Variants in PLCB1 observed in about 807,000 individuals in gnomAD.
PLCB1 encodes phospholipase C beta 1.
A neutral mutation model predicts 161.8 loss-of-function variants in PLCB1; 46 were observed. The observed-to-expected ratio is 0.28, with a 90% confidence interval of 0.22 to 0.36. The LOEUF (loss-of-function observed/expected upper bound fraction) is 0.36. Among genes scored for constraint, PLCB1 ranks in the 10% least tolerant of loss-of-function variants. The pLI is 1.00. For missense variants in PLCB1, 1,016 were observed against 1,472.5 expected (o/e 0.69, Z 5.07); for synonymous variants, 517 against 503.7 (o/e 1.03, Z -0.35).
At chr20:8,817,488 A>G (rs1985136672) in intron 31 of PLCB1, among the ~76,000 whole-genome samples, 1 of 152,222 alleles carries the variant, frequency 6.6e-6, no homozygotes, top group Admixed American at 6.5e-5. Context: ...CTGAAGGGCC[A>G]AACTGAGTGC....
At chr20:8,852,799 C>A (rs1383491748) in intron 31 of PLCB1, among the ~76,000 whole-genome samples, 1 of 152,192 alleles carries the variant, frequency 6.6e-6, no homozygotes, top group African/African-American at 2.4e-5. Flanking sequence ...CTTACCTCAC[C>A]AATGCTAGAT....
chr20:8,142,517 A>G (rs1285454007), intron 1 of PLCB1, among the ~76,000 whole-genome samples: 1 of 152,228 alleles, frequency 6.6e-6, no homozygotes, highest in Non-Finnish European at 1.5e-5. Flanking sequence ...CTGCAATTCA[A>G]TATTGGTTGA....
intron 2 of PLCB1, among the ~76,000 whole-genome samples, chr20:8,278,602 A>C (rs1172530970): frequency 2.6e-5 from 4 of 151,992 alleles, no homozygotes; most frequent in African/African-American, 9.7e-5. Context: ...AAAAGTGTTC[A>C]ACATCATGAA....
chr20:8,335,559 G>T (rs1020305639), intron 2 of PLCB1, among the ~76,000 whole-genome samples: 1 of 152,066 alleles, frequency 6.6e-6, no homozygotes, highest in African/African-American at 2.4e-5. Flanking sequence ...TACACTTGAG[G>T]GTCTCTGTGT....
At chr20:8,271,397 C>T (rs1982273434) in intron 2 of PLCB1, among the ~76,000 whole-genome samples, 1 of 152,074 alleles carries the variant, frequency 6.6e-6, no homozygotes, top group African/African-American at 2.4e-5. Flanking sequence ...CTCAATATCC[C>T]ATTGTAATTC....
intron 3 of PLCB1, among the ~76,000 whole-genome samples, chr20:8,570,037 C>T (rs1986456432): frequency 6.6e-6 from 1 of 152,186 alleles, no homozygotes. Context: ...TTTCTCTTCA[C>T]TCTTCCTTAA....
At chr20:8,880,387 C>G (rs1987930505) in intron 31 of PLCB1, among the ~76,000 whole-genome samples, 1 of 152,082 alleles carries the variant, frequency 6.6e-6, no homozygotes, top group South Asian at 2.1e-4. Context: ...ACGTAAGTCT[C>G]CATTTGAAGA....
chr20:8,502,176 A>G (rs971274425), intron 3 of PLCB1, among the ~76,000 whole-genome samples: 5 of 152,056 alleles, frequency 3.3e-5, no homozygotes, highest in African/African-American at 1.2e-4. Context: ...ACTTAAAACC[A>G]AAATTACCAG....
chr20:8,432,121 G>A (rs1221100484), intron 3 of PLCB1, among the ~76,000 whole-genome samples: 4 of 152,048 alleles, frequency 2.6e-5, no homozygotes, highest in African/African-American at 9.7e-5. Context: ...TTATCACATG[G>A]CCACGAAAAA....
chr20:8,236,053 T>G (rs1285928820), intron 2 of PLCB1, among the ~76,000 whole-genome samples: 3 of 152,120 alleles, frequency 2.0e-5, no homozygotes, highest in African/African-American at 7.2e-5. Context: ...GGAAGGTGTT[T>G]TTCAAACTTG....
rs549624402 is a variant in PLCB1 at position 8,183,434 on chromosome 20, G to GT, written c.177+33070dup. 3.3e-3 allele frequency among the ~76,000 whole-genome samples: 508 copies of GT among 152,208 alleles called. 6 individuals carry two copies. The highest frequency in any genetic ancestry group is 0.012 in the African/African-American group (490 of 41,532). Reference sequence around the variant, plus strand: ...CTCTGTAATAATGTACTACATTTAAGTTTTTTTCCAATGCATTTGATCTTT... The same window carrying GT: ...CTCTGTAATAATGTACTACATTTAAGTTTTTTTTCCAATGCATTTGATCTTT... On this transcript the variant is annotated intron_variant, in intron 2 of 31. Coordinates refer to ENST00000338037, the MANE Select transcript of PLCB1 (RefSeq NM_015192.4).
intron 31 of PLCB1, among the ~76,000 whole-genome samples, chr20:8,820,810 T>G (rs576445214): frequency 6.6e-6 from 1 of 152,304 alleles, no homozygotes; most frequent in East Asian, 1.9e-4. Context: ...AAATATGACT[T>G]GTAGCTACAC....
chr20:8,617,385 A>G (rs998068795), intron 3 of PLCB1, among the ~76,000 whole-genome samples: 3 of 152,194 alleles, frequency 2.0e-5, no homozygotes, highest in Non-Finnish European at 4.4e-5. Context: ...ATGATTAAGT[A>G]TGATTTTGAG....
At chr20:8,739,827 A>G (rs565286228) in intron 21 of PLCB1, among the ~76,000 whole-genome samples, 32 of 152,282 alleles carry the variant, frequency 2.1e-4, no homozygotes, top group Admixed American at 1.8e-3. Flanking sequence ...ACACCAAATT[A>G]CTAATATACT....
At chr20:8,537,533 T>C (rs1264787165) in intron 3 of PLCB1, among the ~76,000 whole-genome samples, 1 of 152,144 alleles carries the variant, frequency 6.6e-6, no homozygotes, top group Non-Finnish European at 1.5e-5. Flanking sequence ...AACAGCCACC[T>C]GCCCAGGGTC....
intron 3 of PLCB1, among the ~76,000 whole-genome samples, chr20:8,516,290 C>G (rs972689852): frequency 6.6e-6 from 1 of 152,168 alleles, no homozygotes; most frequent in African/African-American, 2.4e-5. Context: ...ACCATGACAG[C>G]ACATTTCAAG....
intron 1 of PLCB1, among the ~76,000 whole-genome samples, chr20:8,149,690 A>G (rs1247103649): frequency 1.3e-5 from 2 of 152,166 alleles, no homozygotes; most frequent in Non-Finnish European, 2.9e-5. Context: ...GTTTAATATT[A>G]TAATTACAAT....
At chr20:8,775,636 CTG>C (rs1982905772) in intron 27 of PLCB1, among the ~76,000 whole-genome samples, 1 of 152,158 alleles carries the variant, frequency 6.6e-6, no homozygotes, top group Non-Finnish European at 1.5e-5. Context: ...TCCCCAGTGA[CTG>C]TATGCAATGA....
intron 3 of PLCB1, among the ~76,000 whole-genome samples, chr20:8,460,783 C>G (rs1981541276): frequency 6.6e-6 from 1 of 152,148 alleles, no homozygotes; most frequent in African/African-American, 2.4e-5. Context: ...TTAAGATTTT[C>G]AAGTACATAG....
Sources: allele counts gnomAD v4.1 joint callset (sites outside exome capture counted in the v4.1 genomes callset), GRCh38; gene constraint gnomAD v4.1.1; transcripts MANE v1.5; gene names NCBI Gene and HGNC (gene_info 2026-07-23, HGNC 2026-07-21).